Variants in DKKL1 observed in about 807,000 individuals in gnomAD.
The protein encoded by DKKL1 is dickkopf-like protein 1.
In DKKL1, 11 loss-of-function variants were observed where a neutral mutation model predicts 16.5. The observed-to-expected ratio is 0.67, with a 90% CI of 0.42 to 1.10. The LOEUF is 1.10. Among genes scored for constraint, DKKL1 ranks in the 50% least tolerant of loss-of-function variants. DKKL1 has a pLI of 0.00. For synonymous variants in DKKL1, 119 were observed against 133.2 expected (o/e 0.89, Z 0.73); for missense variants, 320 against 308.1 (o/e 1.04, Z -0.29).
Position 49,374,822 on chromosome 19 carries a change from C to T in DKKL1, c.523C>T (p.Pro175Ser), listed in dbSNP as rs752690061. ...GGTGGCCTTCTGGATCATTAAGCTG[C>T]CACGGCGGAGGTCCCACCAGGATGC... ...PRVAFWIIKL[P>S]RRRSHQDALE... The change falls in exon 5 of 5, where the codon CCA (proline) becomes TCA (serine). Residue 175 changes from proline to serine, a missense_variant. Coordinates refer to ENST00000221498, the MANE Select transcript of DKKL1 (RefSeq NM_014419.4). 4 of 1,613,420 alleles carry T rather than the reference C, an allele frequency of 2.5e-6. No individual in the cohort carries two copies. Among genetic ancestry groups the T allele is most frequent in the Non-Finnish European group, 3.4e-6 (4 of 1,179,762 alleles).
intron 4 of DKKL1, among the ~76,000 whole-genome samples, chr19:49,372,736 T>C (rs1973550710): frequency 6.7e-6 from 1 of 149,688 alleles, no homozygotes; most frequent in African/African-American, 2.5e-5. Flanking sequence ...GAGTGGTGGC[T>C]TACACCTATA....
chr19:49,361,693 A>T (rs986086986), upstream of DKKL1: 2 of 152,212 alleles, frequency 1.3e-5, no homozygotes, highest in African/African-American at 4.8e-5. Context: ...AACTTTTTCC[A>T]ATACAGTCAG....
chr19:49,360,753 GGA>G (rs1972799032), upstream of DKKL1, among the ~76,000 whole-genome samples: 1 of 75,052 alleles, frequency 1.3e-5, no homozygotes, highest in Non-Finnish European at 3.1e-5. Flanking sequence ...ACCCAGAGAG[GGA>G]GGGGGACAGA....
intron 4 of DKKL1, 74 bp downstream of exon 4, chr19:49,365,959 ACT>A: frequency 7.1e-7 from 1 of 1,404,788 alleles, no homozygotes; most frequent in South Asian, 1.3e-5. Context: ...GAAGAGTCTC[ACT>A]CTGTCACCCA....
At chr19:49,365,403 A>G in intron 2 of DKKL1, 106 bp from the exon 3 acceptor site, 1 of 1,365,880 alleles carries the variant, frequency 7.3e-7, no homozygotes, top group Non-Finnish European at 9.7e-7. Flanking sequence ...AGGGGATGGG[A>G]GGGACTTGGG....
In DKKL1 at chr19:49,375,102, C is replaced by G; in HGVS notation, c.*74C>G. The G allele has an allele frequency of 6.9e-7, 1 of 1,456,694 alleles. No individual in the cohort carries two copies. Among genetic ancestry groups the G allele is most frequent in the Non-Finnish European group, 9.1e-7 (1 of 1,093,066 alleles). The allele number at this position is 1,456,694 out of a possible 1,614,324, so 90.2% of individuals were successfully genotyped here. Reference sequence around the variant, plus strand: ...CCAAGCACCATATGGAAATAAAGTTCTTTCTTACATCTAACAACACCATCT... The same window carrying G: ...CCAAGCACCATATGGAAATAAAGTTGTTTCTTACATCTAACAACACCATCT... On this transcript the variant is annotated 3_prime_UTR_variant, in exon 5 of 5. Transcript: ENST00000221498.
At chr19:49,361,352 TCAGAGAGAGGGCAACAGAGACC>T (rs1972915658), upstream of DKKL1, 1 of 149,242 alleles carries the variant, frequency 6.7e-6, no homozygotes, top group Non-Finnish European at 1.5e-5. Context: ...GGACAGAGGC[TCAGAGAGAGGGCAACAGAGACC>T]CAGAGAAAGG....
upstream of DKKL1, chr19:49,363,868 C>A: frequency 7.4e-7 from 1 of 1,353,654 alleles, no homozygotes. Context: ...GCAACCAACG[C>A]TCTAGACCAG....
At chr19:49,366,480 G>A (rs1176868090) in intron 4 of DKKL1, among the ~76,000 whole-genome samples, 2 of 151,416 alleles carry the variant, frequency 1.3e-5, no homozygotes, top group East Asian at 3.9e-4. Context: ...GTGTTTCTAT[G>A]AGCACCAAAA....
chr19:49,369,035 C>A (rs1458577684), intron 4 of DKKL1: 2 of 152,188 alleles, frequency 1.3e-5, no homozygotes, highest in Non-Finnish European at 2.9e-5. Context: ...AGGTCCAGCT[C>A]CAACCAATGG....
At chr19:49,370,323 C>G (rs544424759) in intron 4 of DKKL1, 1 of 152,156 alleles carries the variant, frequency 6.6e-6, no homozygotes, top group Admixed American at 6.5e-5. Context: ...GGTGGAAGAC[C>G]TTGGAAACGA....
chr19:49,361,162 G>A (rs1257115279), upstream of DKKL1, among the ~76,000 whole-genome samples: 2 of 120,874 alleles, frequency 1.7e-5, no homozygotes, highest in East Asian at 2.8e-4. Flanking sequence ...GACCGGGGGG[G>A]GGGGACAGGG....
At chr19:49,373,449 G>T (rs988748609) in intron 4 of DKKL1, among the ~76,000 whole-genome samples, 3 of 152,122 alleles carry the variant, frequency 2.0e-5, no homozygotes, top group Non-Finnish European at 1.5e-5. Flanking sequence ...ATATGAATTT[G>T]GGGAGGAAAC....
chr19:49,365,928 T>C (rs755010770), intron 4 of DKKL1, 43 bp downstream of exon 4: 1 of 1,553,808 alleles, frequency 6.4e-7, no homozygotes, highest in Non-Finnish European at 8.8e-7. Flanking sequence ...GCCCAAACAT[T>C]TTCTTTTTTT....
At chr19:49,363,789 G>A, upstream of DKKL1, 1 of 661,468 alleles carries the variant, frequency 1.5e-6, no homozygotes, top group Non-Finnish European at 2.7e-6. Context: ...AGAGGCCCGG[G>A]CTCCTGGGTG....
At chr19:49,372,309 C>CCAG (rs1162503142) in intron 4 of DKKL1, among the ~76,000 whole-genome samples, 2 of 152,058 alleles carry the variant, frequency 1.3e-5, no homozygotes, top group African/African-American at 2.4e-5. Flanking sequence ...ACCCGTAGTC[C>CCAG]CAGCACTTTG....
At position 49,364,766 on chromosome 19, in the gene DKKL1, CG is replaced by C; in HGVS notation, c.183+18del. ...GACTTTTCCTGAAAGTAAGCGATGG[CG>C]GGGGGATGGGGGAAGAAGTACTGAG... On this transcript the variant is annotated intron_variant, in intron 2 of 4. Coordinates refer to ENST00000221498, the MANE Select transcript of DKKL1 (RefSeq NM_014419.4). The C allele has an allele frequency of 1.2e-6, 2 of 1,609,508 alleles. No homozygotes were observed. Among genetic ancestry groups the C allele is most frequent in the East Asian group, 2.2e-5 (1 of 44,852 alleles).
At chr19:49,370,710 A>C (rs1973447244) in intron 4 of DKKL1, 1 of 152,208 alleles carries the variant, frequency 6.6e-6, no homozygotes, top group African/African-American at 2.4e-5. Flanking sequence ...ATCCAGTGAA[A>C]GAATTTGCCA....
chr19:49,373,154 A>C (rs555412564), intron 4 of DKKL1, among the ~76,000 whole-genome samples: 1 of 151,698 alleles, frequency 6.6e-6, no homozygotes, highest in East Asian at 2.0e-4. Context: ...AAATGCAAAA[A>C]TTAGCTGGCA....
Sources: allele counts gnomAD v4.1 joint callset (sites outside exome capture counted in the v4.1 genomes callset), GRCh38; gene constraint gnomAD v4.1.1; transcripts MANE v1.5; gene names NCBI Gene and HGNC (gene_info 2026-07-23, HGNC 2026-07-21).